Variants in TUBGCP5 observed in about 807,000 individuals in gnomAD.
TUBGCP5 encodes the protein tubulin gamma complex component 5.
Under a neutral mutation model 134.7 loss-of-function variants are expected in TUBGCP5, and 98 were observed. The observed-to-expected ratio is 0.73, with a 90% confidence interval of 0.62 to 0.86. TUBGCP5 has a LOEUF of 0.86. TUBGCP5 is among the 40% of genes least tolerant of loss of function. The pLI, the probability that TUBGCP5 is intolerant of heterozygous loss-of-function variation, is 0.00. For missense variants in TUBGCP5, 1,150 were observed against 1,244.8 expected, an observed-to-expected ratio of 0.92 and a Z score of 1.15; for synonymous variants, 456 against 431.4, an observed-to-expected ratio of 1.06 and a Z score of -0.71.
In TUBGCP5 at chr15:23,032,032, A is replaced by C; in HGVS notation, c.407-3T>G. Reference sequence around the variant, plus strand: ...CCAGTCGAAATCATCTTTCTTTTCTAAAATGTAACAGAAGAACTTCATTGG... The same window carrying C: ...CCAGTCGAAATCATCTTTCTTTTCTCAAATGTAACAGAAGAACTTCATTGG... On this transcript the variant is annotated splice_polypyrimidine_tract_variant and splice_region_variant and intron_variant, in intron 4 of 22. Coordinates refer to ENST00000615383, the MANE Select transcript of TUBGCP5 (RefSeq NM_052903.6). 1 of 1,608,226 alleles carries C rather than the reference A, an allele frequency of 6.2e-7. No homozygotes were observed. The highest frequency in any genetic ancestry group is 2.2e-5 in the East Asian group (1 of 44,820).
chr15:22,986,748 AAAG>A (rs1160269186), intron 23 of TUBGCP5, among the ~76,000 whole-genome samples: 8 of 138,584 alleles, frequency 5.8e-5, no homozygotes, highest in African/African-American at 2.1e-4. Context: ...AAAAAAAAAA[AAAG>A]AAAGAAAAGG....
chr15:23,020,338 C>T (rs1375539879), intron 11 of TUBGCP5, among the ~76,000 whole-genome samples: 8 of 151,718 alleles, frequency 5.3e-5, no homozygotes, highest in Admixed American at 5.3e-4. Flanking sequence ...ACCCAGGAGG[C>T]AGAGGTTGCA....
intron 4 of TUBGCP5, among the ~76,000 whole-genome samples, chr15:23,032,456 A>G (rs2066365167): frequency 1.3e-5 from 2 of 152,176 alleles, no homozygotes; most frequent in Admixed American, 1.3e-4. Flanking sequence ...GTTTTTTAAA[A>G]GATTGTATTA....
chr15:23,015,234 C>T (rs1319352165), intron 13 of TUBGCP5, among the ~76,000 whole-genome samples: 6 of 151,898 alleles, frequency 4.0e-5, no homozygotes, highest in African/African-American at 1.4e-4. Context: ...TATAGGCATG[C>T]GCCACCACAT....
chr15:23,008,092 G>A (rs990965607), intron 16 of TUBGCP5, among the ~76,000 whole-genome samples: 4 of 152,032 alleles, frequency 2.6e-5, no homozygotes, highest in Non-Finnish European at 5.9e-5. Context: ...TTATAGGGAC[G>A]AGGTCCCACT....
intron 20 of TUBGCP5, among the ~76,000 whole-genome samples, chr15:23,003,632 GT>G (rs531926227): frequency 0.021 from 1,871 of 88,244 alleles, 32 homozygotes; most frequent in Admixed American, 0.06. Flanking sequence ...TCCTCCTTCT[GT>G]TTTTTTTTTT....
At chr15:22,988,142 C>T (rs377488984) in intron 23 of TUBGCP5, among the ~76,000 whole-genome samples, 1 of 117,830 alleles carries the variant, frequency 8.5e-6, no homozygotes, top group South Asian at 2.6e-4. Context: ...TAAGACAGTA[C>T]CTTATATGAA....
chr15:22,992,875 A>G (rs540747838), intron 23 of TUBGCP5, among the ~76,000 whole-genome samples: 54 of 152,292 alleles, frequency 3.5e-4, no homozygotes, highest in Admixed American at 9.2e-4. Context: ...AAAGTATTCA[A>G]GATGCTGCCT....
chr15:23,000,535 C>G (rs1407778914), intron 22 of TUBGCP5, 34 bp downstream of exon 22: 1 of 1,602,278 alleles, frequency 6.2e-7, no homozygotes, highest in Non-Finnish European at 8.5e-7. Flanking sequence ...CAAGGAAATA[C>G]AGAGGTAGAA....
chr15:22,993,357 CA>C (rs1175551647), intron 23 of TUBGCP5, among the ~76,000 whole-genome samples: 1 of 151,170 alleles, frequency 6.6e-6, no homozygotes, highest in African/African-American at 2.4e-5. Context: ...CTCTGCCTCC[CA>C]AAGTGCTGAG....
At position 23,008,700 on chromosome 15, in the gene TUBGCP5, G is replaced by A. The variant is rs146368727; in HGVS notation, c.2326C>T (p.Arg776Cys). 55 of 1,605,916 alleles carry A rather than the reference G, an allele frequency of 3.4e-5. No individual in the cohort carries two copies. The highest frequency in any genetic ancestry group is 2.8e-4 in the African/African-American group (21 of 74,272). The change falls in exon 16 of 23, where the codon CGT becomes TGT. Residue 776 changes from arginine (R) to cysteine (C), a missense_variant and splice_region_variant. Arg to Cys is a radical substitution (Grantham distance 180, BLOSUM62 -3). Coordinates refer to ENST00000615383, the MANE Select transcript of TUBGCP5 (RefSeq NM_052903.6). Reference sequence around the variant, plus strand: ...ATAAAGGTGGCGTCCATATTTTACCGTGAACTATCTTCAGGATAACGCTGT... The same window carrying A: ...ATAAAGGTGGCGTCCATATTTTACCATGAACTATCTTCAGGATAACGCTGT... ...VGQRYPEDSS[R>C]LSISFENVDT... is the part of the protein sequence containing the mutation.
chr15:23,003,272 G>T, intron 20 of TUBGCP5, 119 bp from the exon 21 acceptor site: 1 of 892,744 alleles, frequency 1.1e-6, no homozygotes, highest in Non-Finnish European at 1.8e-6. Flanking sequence ...ACTGCCTTCT[G>T]TGTATATGGA....
chr15:23,003,153 C>T lies in TUBGCP5; in HGVS notation c.2839G>A (p.Val947Ile), dbSNP rs775903963. ...IHDRCLLREK[V>I]SFVKEAIMKV... is the part of the protein sequence containing the mutation. ...ATGATAGCTTCTTTCACAAAGCTGA[C>T]CTGCAGACCAAAGTCACAGAACACA... The change falls in exon 21 of 23, where the codon GTC becomes ATC. Residue 947 changes from valine to isoleucine, a missense_variant and splice_region_variant. By Grantham distance (29) the Val-to-Ile change is conservative. Coordinates refer to ENST00000615383, the MANE Select transcript of TUBGCP5 (RefSeq NM_052903.6). 4 of 1,613,970 alleles carry T rather than the reference C, an allele frequency of 2.5e-6. No homozygotes were observed. Among genetic ancestry groups the T allele is most frequent in the African/African-American group, 1.3e-5 (1 of 74,918 alleles).
Position 23,011,161 on chromosome 15 carries a change from C to CATGA in TUBGCP5, c.1923_1926dup (p.Asp643SerfsTer2). ...GCAAAGTTAATGGCAAGCAGTGGAT[C>CATGA]ATGAACATCATCCAGTTCAAGATGG... On this transcript the variant is annotated frameshift_variant, in exon 14 of 23. Transcript: ENST00000615383. LOFTEE classifies it high-confidence loss of function. The CATGA allele has an allele frequency of 6.2e-7, 1 of 1,614,042 alleles. No homozygotes were observed. The highest frequency in any genetic ancestry group is 8.5e-7 in the Non-Finnish European group (1 of 1,180,004).
chr15:23,020,394 G>A (rs62009507), intron 11 of TUBGCP5, among the ~76,000 whole-genome samples: 50,466 of 149,470 alleles, frequency 0.34, 8,892 homozygotes, highest in African/African-American at 0.38. Context: ...GCGACAGGGC[G>A]AGACTCCATC....
intron 14 of TUBGCP5, among the ~76,000 whole-genome samples, chr15:23,010,819 A>C (rs2064994000): frequency 1.3e-5 from 2 of 151,976 alleles, no homozygotes; most frequent in Admixed American, 1.3e-4. Context: ...TCTCTACAAA[A>C]AATACAAAAA....
At chr15:23,008,556 C>A (rs2064856448) in intron 16 of TUBGCP5, 143 bp downstream of exon 16, 1 of 1,086,378 alleles carries the variant, frequency 9.2e-7, no homozygotes, top group Non-Finnish European at 1.4e-6. Flanking sequence ...CCGTGCCTGG[C>A]CTCCATTTTC....
intron 11 of TUBGCP5, 109 bp from the exon 12 acceptor site, chr15:23,019,443 G>GT (rs2065535206): frequency 5.6e-6 from 4 of 715,002 alleles, no homozygotes; most frequent in Non-Finnish European, 9.8e-6. Context: ...GGATTTCTAT[G>GT]TTTTTTGGGG....
intron 11 of TUBGCP5, 134 bp downstream of exon 11, chr15:23,021,825 G>T: frequency 1.1e-6 from 1 of 951,670 alleles, no homozygotes; most frequent in Non-Finnish European, 1.6e-6. Flanking sequence ...CCTTAAATTT[G>T]GAAGTTAATT....
Sources: allele counts gnomAD v4.1 joint callset (sites outside exome capture counted in the v4.1 genomes callset), GRCh38; gene constraint gnomAD v4.1.1; transcripts MANE v1.5; gene names NCBI Gene and HGNC (gene_info 2026-07-23, HGNC 2026-07-21).